Variants in ADAMTSL1 observed in about 807,000 individuals in gnomAD.
The protein encoded by ADAMTSL1 is ADAMTS-like protein 1.
ADAMTSL1 carries 126 observed loss-of-function variants against 201.8 expected under a neutral mutation model. The ratio of observed to expected loss-of-function variants is 0.62; its 90% confidence interval spans 0.54 to 0.72. The LOEUF (loss-of-function observed/expected upper bound fraction) is 0.72. Ranked by LOEUF, ADAMTSL1 falls within the 30% of genes least tolerant of loss-of-function variation. The pLI is 0.00. For synonymous variants in ADAMTSL1, 1,121 were observed against 903.4 expected (o/e 1.24, Z -4.32); for missense variants, 2,679 against 2,277.8 (o/e 1.18, Z -3.59).
At chr9:17,940,204 G>C (rs1827182180) in intron 1 of ADAMTSL1, among the ~76,000 whole-genome samples, 1 of 152,094 alleles carries the variant, frequency 6.6e-6, no homozygotes, top group Non-Finnish European at 1.5e-5. Flanking sequence ...TTGTGTTTTA[G>C]CATAATGAAA....
At chr9:18,024,434 A>C (rs1409182605) in intron 1 of ADAMTSL1, among the ~76,000 whole-genome samples, 1 of 151,076 alleles carries the variant, frequency 6.6e-6, no homozygotes. Flanking sequence ...TTCCTCTAGT[A>C]CTCCCTAGTG....
intron 1 of ADAMTSL1, among the ~76,000 whole-genome samples, chr9:18,478,315 T>C (rs947569807): frequency 1.3e-5 from 2 of 152,106 alleles, no homozygotes. Flanking sequence ...TGGTCTGGTG[T>C]TTTGGTTCTC....
At chr9:18,348,430 T>G (rs1707607842) in intron 2 of ADAMTSL1, among the ~76,000 whole-genome samples, 1 of 152,204 alleles carries the variant, frequency 6.6e-6, no homozygotes, top group Admixed American at 6.5e-5. Flanking sequence ...ACAAGTTGCT[T>G]AATTTCTCTA....
At chr9:17,975,095 T>G (rs185685870) in intron 1 of ADAMTSL1, among the ~76,000 whole-genome samples, 8,428 of 152,142 alleles carry the variant, frequency 0.055, 587 homozygotes, top group African/African-American at 0.17. Flanking sequence ...TGTCTTTGAT[T>G]CGTATTTCAC....
intron 2 of ADAMTSL1, among the ~76,000 whole-genome samples, chr9:18,516,639 T>C (rs10963622): frequency 6.6e-6 from 1 of 152,082 alleles, no homozygotes; most frequent in African/African-American, 2.4e-5. Flanking sequence ...CACTGTTCTC[T>C]ACTTGTATGA....
At chr9:18,327,377 CTA>C (rs1326641220) in intron 2 of ADAMTSL1, among the ~76,000 whole-genome samples, 1 of 152,196 alleles carries the variant, frequency 6.6e-6, no homozygotes, top group African/African-American at 2.4e-5. Flanking sequence ...GAGTCAGGCC[CTA>C]TGGGCATACT....
chr9:18,082,933 A>G (rs1373405150), intron 1 of ADAMTSL1, among the ~76,000 whole-genome samples: 1 of 152,260 alleles, frequency 6.6e-6, no homozygotes, highest in Non-Finnish European at 1.5e-5. Context: ...CGATTGTAAC[A>G]AATTATAAAT....
intron 9 of ADAMTSL1, 106 bp downstream of exon 9, chr9:18,662,179 C>T (rs1313786955): frequency 7.2e-7 from 1 of 1,394,666 alleles, no homozygotes; most frequent in African/African-American, 1.5e-5. Flanking sequence ...TGAAATTAAA[C>T]ATCAATAGTG....
intron 2 of ADAMTSL1, among the ~76,000 whole-genome samples, chr9:18,233,336 G>T (rs138926153): frequency 1.4e-3 from 220 of 152,258 alleles, no homozygotes; most frequent in African/African-American, 5.2e-3. Context: ...ATCAGTAAAA[G>T]ACAATAACCA....
At chr9:18,712,998 T>C (rs1002629309) in intron 14 of ADAMTSL1, among the ~76,000 whole-genome samples, 2 of 151,566 alleles carry the variant, frequency 1.3e-5, no homozygotes, top group Non-Finnish European at 2.9e-5. Context: ...CCAGCCAAAC[T>C]AAGCTTCATA....
chr9:17,984,498 G>A (rs1192341238), intron 1 of ADAMTSL1, among the ~76,000 whole-genome samples: 14 of 151,348 alleles, frequency 9.3e-5, no homozygotes. Flanking sequence ...CCCATTATAG[G>A]GATTTATATG....
At chr9:18,364,993 T>A (rs543488729) in intron 2 of ADAMTSL1, among the ~76,000 whole-genome samples, 12 of 152,218 alleles carry the variant, frequency 7.9e-5, no homozygotes, top group African/African-American at 2.6e-4. Context: ...GGATTACAAT[T>A]TGACATGAGA....
chr9:18,479,279 G>A (rs1821609025), intron 1 of ADAMTSL1, among the ~76,000 whole-genome samples: 1 of 152,230 alleles, frequency 6.6e-6, no homozygotes. Context: ...ACGTCAAGAA[G>A]ATGCCCAATG....
intron 20 of ADAMTSL1, among the ~76,000 whole-genome samples, chr9:18,805,655 C>A (rs2131110294): frequency 6.6e-6 from 1 of 152,314 alleles, no homozygotes; most frequent in East Asian, 1.9e-4. Flanking sequence ...GGACACCTAA[C>A]CTGTAGACAG....
At chr9:18,600,498 T>G (rs904476506) in intron 4 of ADAMTSL1, among the ~76,000 whole-genome samples, 4 of 152,184 alleles carry the variant, frequency 2.6e-5, no homozygotes, top group African/African-American at 9.6e-5. Context: ...CAACCCTCCC[T>G]GAATTTTAAG....
At chr9:18,256,966 C>T (rs1021850807) in intron 2 of ADAMTSL1, among the ~76,000 whole-genome samples, 2 of 152,184 alleles carry the variant, frequency 1.3e-5, no homozygotes, top group Admixed American at 1.3e-4. Context: ...GACAGCTGTA[C>T]CCCTGCCTCA....
Position 18,635,927 on chromosome 9 carries a change from C to T in ADAMTSL1, c.602-16C>T, listed in dbSNP as rs368045465. ...CAAGTGACATGCTTTTAAGATTTTG[C>T]TTTGTTTCTCTCTAGCGGATGATAC... On this transcript the variant is annotated splice_polypyrimidine_tract_variant and intron_variant, in intron 5 of 28. Coordinates refer to ENST00000380548, the MANE Select transcript of ADAMTSL1 (RefSeq NM_001040272.6). 2.2e-4 allele frequency: 357 copies of T among 1,590,968 alleles called. 5 individuals are homozygous for T. In the South Asian group the frequency reaches 3.2e-3, roughly 14 times the overall value.
intron 1 of ADAMTSL1, among the ~76,000 whole-genome samples, chr9:18,102,287 A>C (rs1285912965): frequency 6.6e-6 from 1 of 151,872 alleles, no homozygotes; most frequent in Non-Finnish European, 1.5e-5. Flanking sequence ...TTAGCCATTT[A>C]TTTTATTTAT....
At chr9:18,212,745 G>T (rs896777076) in intron 2 of ADAMTSL1, among the ~76,000 whole-genome samples, 1 of 152,222 alleles carries the variant, frequency 6.6e-6, no homozygotes, top group East Asian at 1.9e-4. Context: ...CATTCAAAGG[G>T]AAGACAACTT....
Sources: gnomAD v4.1 joint callset for allele counts (sites outside exome capture counted in the v4.1 genomes callset) on GRCh38, gnomAD v4.1.1 for gene constraint, MANE v1.5 for transcripts, NCBI Gene and HGNC (gene_info 2026-07-23, HGNC 2026-07-21) for gene names.